Variants in CTNNA3 observed in about 807,000 individuals in gnomAD.
The protein encoded by CTNNA3 is catenin alpha 3, also known as catenin alpha-3.
CTNNA3 carries 76 observed loss-of-function variants against 95.7 expected under a neutral mutation model. The observed-to-expected ratio is 0.79, with a 90% confidence interval of 0.66 to 0.96. The LOEUF (loss-of-function observed/expected upper bound fraction) is 0.96, where lower values mean the gene tolerates loss of function less well. Ranked by LOEUF, CTNNA3 falls within the 40% of genes least tolerant of loss-of-function variation. CTNNA3 has a pLI of 0.00. For missense variants in CTNNA3, 1,191 were observed against 1,089.8 expected (o/e 1.09, Z -1.31); for synonymous variants, 431 against 374.4 (o/e 1.15, Z -1.74).
At chr10:66,219,443 T>C (rs1375162320) in intron 13 of CTNNA3, among the ~76,000 whole-genome samples, 1 of 152,128 alleles carries the variant, frequency 6.6e-6, no homozygotes, top group Admixed American at 6.5e-5. Context: ...AATAGTATAG[T>C]GTGTCACTGC....
intron 3 of CTNNA3, among the ~76,000 whole-genome samples, chr10:67,586,574 T>A (rs1214769024): frequency 6.6e-6 from 1 of 152,166 alleles, no homozygotes; most frequent in African/African-American, 2.4e-5. Flanking sequence ...TTGTCTTTTT[T>A]ATGGTTTTTG....
intron 7 of CTNNA3, among the ~76,000 whole-genome samples, chr10:66,843,177 G>C (rs1246898144): frequency 6.6e-6 from 1 of 152,144 alleles, no homozygotes; most frequent in Admixed American, 6.5e-5. Context: ...GATTGAAAGA[G>C]GGTCCAAAAC....
At chr10:67,364,346 A>G (rs1271903651) in intron 5 of CTNNA3, among the ~76,000 whole-genome samples, 1 of 152,190 alleles carries the variant, frequency 6.6e-6, no homozygotes, top group Non-Finnish European at 1.5e-5. Context: ...GCTATTTATG[A>G]CAAACCCACA....
At chr10:66,970,937 A>G (rs1205010897) in intron 7 of CTNNA3, among the ~76,000 whole-genome samples, 2 of 152,202 alleles carry the variant, frequency 1.3e-5, no homozygotes, top group Admixed American at 6.5e-5. Context: ...AGTGAAATAG[A>G]AAGAAGTTAT....
At chr10:67,659,218 C>G (rs1840110586) in intron 1 of CTNNA3, among the ~76,000 whole-genome samples, 1 of 152,066 alleles carries the variant, frequency 6.6e-6, no homozygotes, top group Admixed American at 6.6e-5. Flanking sequence ...AATAGCTGGT[C>G]AAATCTAATC....
chr10:66,531,778 A>T (rs1841474268), intron 10 of CTNNA3, among the ~76,000 whole-genome samples: 1 of 152,226 alleles, frequency 6.6e-6, no homozygotes, highest in Admixed American at 6.5e-5. Flanking sequence ...TAAGAGAAAA[A>T]TTGCCTTAAA....
intron 7 of CTNNA3, among the ~76,000 whole-genome samples, chr10:67,017,927 G>A (rs1210337739): frequency 2.0e-5 from 3 of 151,922 alleles, no homozygotes; most frequent in Non-Finnish European, 2.9e-5. Flanking sequence ...GTGCCACCAC[G>A]CCCAGCTAAT....
At chr10:66,369,912 C>T (rs2092741008) in intron 12 of CTNNA3, among the ~76,000 whole-genome samples, 1 of 152,028 alleles carries the variant, frequency 6.6e-6, no homozygotes, top group African/African-American at 2.4e-5. Context: ...TAACCACCCC[C>T]ACCCAACCAG....
At chr10:67,428,221 T>C (rs1018138246) in intron 5 of CTNNA3, among the ~76,000 whole-genome samples, 1 of 152,124 alleles carries the variant, frequency 6.6e-6, no homozygotes. Context: ...ATTGGCATCC[T>C]AGGTAAGTAT....
intron 11 of CTNNA3, among the ~76,000 whole-genome samples, chr10:66,509,378 T>C (rs923106777): frequency 6.6e-6 from 1 of 152,116 alleles, no homozygotes; most frequent in African/African-American, 2.4e-5. Context: ...GTAGAAGCTT[T>C]GTAGTTTTAT....
At chr10:67,383,661 T>C (rs1378602086) in intron 5 of CTNNA3, among the ~76,000 whole-genome samples, 3 of 68,280 alleles carry the variant, frequency 4.4e-5, no homozygotes, top group Non-Finnish European at 1.9e-4. Context: ...ACTAGAGCTA[T>C]GCTAGGCATA....
intron 2 of CTNNA3, among the ~76,000 whole-genome samples, chr10:67,638,410 G>C (rs1373996566): frequency 1.3e-5 from 2 of 152,148 alleles, no homozygotes; most frequent in Non-Finnish European, 2.9e-5. Flanking sequence ...AATAATAATG[G>C]GAGACTTTAA....
intron 9 of CTNNA3, among the ~76,000 whole-genome samples, chr10:66,738,157 T>A (rs1210379109): frequency 2.6e-5 from 4 of 152,212 alleles, no homozygotes; most frequent in Non-Finnish European, 5.9e-5. Flanking sequence ...TGACTTTGAT[T>A]ATTCTTTTTG....
intron 1 of CTNNA3, among the ~76,000 whole-genome samples, chr10:67,675,279 A>T (rs887238337): frequency 3.3e-5 from 5 of 151,894 alleles, no homozygotes; most frequent in Non-Finnish European, 5.9e-5. Context: ...AACACCATAT[A>T]AAAAAAACTA....
At chr10:66,914,712 CTG>C (rs1846396679) in intron 7 of CTNNA3, among the ~76,000 whole-genome samples, 1 of 152,178 alleles carries the variant, frequency 6.6e-6, no homozygotes, top group Non-Finnish European at 1.5e-5. Flanking sequence ...GATCAGCAAA[CTG>C]TTTCTGTAAA....
At chr10:66,773,608 C>G (rs1840181764) in intron 8 of CTNNA3, among the ~76,000 whole-genome samples, 2 of 152,088 alleles carry the variant, frequency 1.3e-5, no homozygotes, top group Non-Finnish European at 2.9e-5. Context: ...AGAAAATGGC[C>G]CCGCTGACGC....
intron 10 of CTNNA3, among the ~76,000 whole-genome samples, chr10:66,615,632 A>G (rs977374203): frequency 5.3e-5 from 8 of 152,024 alleles, no homozygotes; most frequent in Non-Finnish European, 1.0e-4. Context: ...AATATTTCTG[A>G]TAAATATAAA....
At chr10:66,028,462 G>T (rs987551344) in intron 15 of CTNNA3, among the ~76,000 whole-genome samples, 1 of 152,030 alleles carries the variant, frequency 6.6e-6, no homozygotes, top group Non-Finnish European at 1.5e-5. Context: ...AGATGAAGCT[G>T]GAAACCATCA....
At chr10:66,445,618 A>G (rs2093414378) in intron 11 of CTNNA3, among the ~76,000 whole-genome samples, 1 of 152,150 alleles carries the variant, frequency 6.6e-6, no homozygotes, top group African/African-American at 2.4e-5. Flanking sequence ...ATGTTCTTTG[A>G]AACCAACGAG....
Sources: allele counts gnomAD v4.1 joint callset (sites outside exome capture counted in the v4.1 genomes callset), GRCh38; gene constraint gnomAD v4.1.1; transcripts MANE v1.5; gene names NCBI Gene and HGNC (gene_info 2026-07-23, HGNC 2026-07-21).